ZNF569: variants seen among roughly 807,000 people sequenced by gnomAD.
ZNF569 encodes the protein DNA-binding protein.
A neutral mutation model predicts 56.3 loss-of-function variants in ZNF569; 38 were observed. That is an observed-to-expected ratio of 0.68 (90% CI 0.52 to 0.88). The LOEUF is 0.88. ZNF569 is among the 40% of genes least tolerant of loss of function. The probability of loss-of-function intolerance (pLI) is 0.00; values close to 1 mark genes in which losing one functional copy is unlikely to be tolerated. For missense variants in ZNF569, 666 were observed against 809.2 expected (o/e 0.82, Z 2.15); for synonymous variants, 241 against 262.9 (o/e 0.92, Z 0.81).
At chr19:37,424,160 C>A (rs1239160893) in intron 5 of ZNF569, among the ~76,000 whole-genome samples, 1 of 151,918 alleles carries the variant, frequency 6.6e-6, no homozygotes, top group Non-Finnish European at 1.5e-5. Flanking sequence ...GAGAGTAAAA[C>A]CTAAAAATAC....
Position 37,412,990 on chromosome 19 carries a change from A to C in ZNF569, c.1668T>G (p.Gly556=). The change falls in exon 6 of 6, where the codon GGT becomes GGG. Residue 556 remains glycine, a synonymous_variant. Coordinates refer to ENST00000316950, the MANE Select transcript of ZNF569 (RefSeq NM_152484.3). ...GCAGTGAGCACTGAGAGAAGGCTTTACCACATTTATCACATTCATAAGGCT... is the reference window on the plus strand; with the variant it reads ...GCAGTGAGCACTGAGAGAAGGCTTTCCCACATTTATCACATTCATAAGGCT... The part of the protein sequence containing the change: ...GEKPYECDKC[G]KAFSQCSLLN... 3 of 1,613,494 alleles carry C rather than the reference A, an allele frequency of 1.9e-6. No homozygotes were observed. The highest frequency in any genetic ancestry group is 2.5e-6 in the Non-Finnish European group (3 of 1,179,802).
At chr19:37,426,159 A>G (rs995049584) in intron 4 of ZNF569, 93 bp downstream of exon 4, 1 of 1,450,240 alleles carries the variant, frequency 6.9e-7, no homozygotes, top group Admixed American at 2.2e-5. Context: ...GCTCACTCTA[A>G]TATTTAAAAG....
At position 37,426,373 on chromosome 19, in the gene ZNF569, T is replaced by C. The variant is rs1355125139; in HGVS notation, c.21A>G (p.Thr7=). 5.0e-6 allele frequency: 8 copies of C among 1,605,094 alleles called. No individual in the cohort carries two copies. The highest frequency in any genetic ancestry group is 6.8e-6 in the Non-Finnish European group (8 of 1,176,874). ...CGATAGCCACATCTTTGAATGTTAC[T>C]GTTCCCTGTAACAACACACTCCCAC... The part of the protein sequence containing the change: MTESQG[T]VTFKDVAIDF... Residue 7 remains threonine (T), a synonymous_variant, in exon 4 of 6, where the codon ACA becomes ACG. Transcript: ENST00000316950.
intron 3 of ZNF569, among the ~76,000 whole-genome samples, chr19:37,443,823 A>G (rs1162106907): frequency 6.6e-6 from 1 of 151,266 alleles, no homozygotes; most frequent in Non-Finnish European, 1.5e-5. Context: ...CCTGGCCAAC[A>G]TGGTGAAATC....
At chr19:37,457,259 C>A (rs925326327) in intron 2 of ZNF569, among the ~76,000 whole-genome samples, 1 of 152,110 alleles carries the variant, frequency 6.6e-6, no homozygotes, top group African/African-American at 2.4e-5. Context: ...GTTGTCGCAA[C>A]AATATCCTTT....
chr19:37,468,904 T>G (rs1600370599), upstream of ZNF569: 3 of 245,196 alleles, frequency 1.2e-5, no homozygotes, highest in Non-Finnish European at 1.9e-5. Flanking sequence ...TTTTTTCGGG[T>G]ATCCAGCACA....
intron 2 of ZNF569, among the ~76,000 whole-genome samples, chr19:37,451,081 T>C (rs1223197351): frequency 6.6e-6 from 1 of 152,204 alleles, no homozygotes; most frequent in Non-Finnish European, 1.5e-5. Flanking sequence ...GAGAAGAATA[T>C]GTATTCTACA....
In ZNF569 at chr19:37,413,507, C is replaced by T; in HGVS notation, c.1151G>A (p.Cys384Tyr). ...AGAGAAGGCTTTTCCACACTCATTA[C>T]ATTCATAGGGTTTTTCACCTGTATG... ...RIHTGEKPYE[C>Y]NECGKAFSQS... is the part of the protein sequence containing the mutation. Residue 384 changes from cysteine to tyrosine, a missense_variant, in exon 6 of 6, where the codon TGT (cysteine) becomes TAT (tyrosine). Cys to Tyr is a radical substitution (Grantham distance 194). Coordinates refer to ENST00000316950, the MANE Select transcript of ZNF569 (RefSeq NM_152484.3). The T allele has an allele frequency of 6.2e-7, 1 of 1,613,414 alleles. No individual in the cohort carries two copies. Among genetic ancestry groups the T allele is most frequent in the Non-Finnish European group, 8.5e-7 (1 of 1,179,754 alleles).
Position 37,413,127 on chromosome 19 carries a change from T to C in ZNF569, c.1531A>G (p.Thr511Ala). 3 of 1,610,542 alleles carry C rather than the reference T, an allele frequency of 1.9e-6. No individual in the cohort carries two copies. The highest frequency in any genetic ancestry group is 2.5e-6 in the Non-Finnish European group (3 of 1,178,786). Residue 511 changes from threonine to alanine, a missense_variant, in exon 6 of 6, where the codon ACA becomes GCA. Physicochemically the swap from Thr to Ala is moderately conservative, Grantham distance 58 (BLOSUM62 0). Coordinates refer to ENST00000316950, the MANE Select transcript of ZNF569 (RefSeq NM_152484.3). ...TCTCCAGTATGAACTTTTTGATGTG[T>C]AATGAAGTTTTGCTTTTGGCTGAAG... ...KAFSQKQNFI[T>A]HQKVHTGEKP... is the part of the protein sequence containing the mutation.
chr19:37,426,134 G>A, intron 4 of ZNF569, 118 bp downstream of exon 4: 1 of 1,347,592 alleles, frequency 7.4e-7, no homozygotes, highest in South Asian at 1.4e-5. Context: ...ATGAGCAAAA[G>A]CATCCCAAGG....
At chr19:37,468,181 G>A (rs2041883601), upstream of ZNF569, 2 of 541,152 alleles carry the variant, frequency 3.7e-6, no homozygotes, top group Admixed American at 3.4e-5. Context: ...CGAACTCCCG[G>A]GCTCAAGCGA....
intron 2 of ZNF569, among the ~76,000 whole-genome samples, chr19:37,448,922 G>A (rs1282642449): frequency 1.3e-5 from 2 of 151,992 alleles, no homozygotes; most frequent in African/African-American, 2.4e-5. Flanking sequence ...GTTTGTTAAG[G>A]CAGAAGTGTA....
chr19:37,426,004 G>C, intron 4 of ZNF569, 41 bp from the exon 5 acceptor site: 1 of 1,599,774 alleles, frequency 6.3e-7, no homozygotes. Context: ...ATACATACTA[G>C]GAACAAAGAA....
intron 2 of ZNF569, among the ~76,000 whole-genome samples, chr19:37,461,455 C>A (rs146336704): frequency 6.6e-6 from 1 of 151,796 alleles, no homozygotes; most frequent in African/African-American, 2.4e-5. Context: ...TACAGGTGTG[C>A]GCCATCATGC....
intron 3 of ZNF569, among the ~76,000 whole-genome samples, chr19:37,439,108 T>A (rs1391559734): frequency 6.6e-6 from 1 of 152,224 alleles, no homozygotes; most frequent in Non-Finnish European, 1.5e-5. Context: ...TTCGCTCTTG[T>A]TGCCCAGGCT....
At chr19:37,434,828 C>G (rs1174813002) in intron 3 of ZNF569, among the ~76,000 whole-genome samples, 2 of 152,182 alleles carry the variant, frequency 1.3e-5, no homozygotes, top group Non-Finnish European at 2.9e-5. Context: ...GTGAAATCCA[C>G]CCCCTGCCCG....
At chr19:37,425,646 T>C in intron 5 of ZNF569, 1 of 344,188 alleles carries the variant, frequency 2.9e-6, no homozygotes, top group Non-Finnish European at 5.4e-6. Flanking sequence ...CTTTTTTTTT[T>C]AAGAGATGAG....
intron 5 of ZNF569, among the ~76,000 whole-genome samples, chr19:37,424,900 C>A (rs1239403024): frequency 6.7e-6 from 1 of 149,714 alleles, no homozygotes. Flanking sequence ...GCAGGCAGAT[C>A]ACGAGGTCAG....
At chr19:37,415,529 T>C (rs1464100317) in intron 5 of ZNF569, among the ~76,000 whole-genome samples, 1 of 152,084 alleles carries the variant, frequency 6.6e-6, no homozygotes, top group Non-Finnish European at 1.5e-5. Flanking sequence ...TCACCACTCA[T>C]TGCAGTACTA....
Sources: allele counts gnomAD v4.1 joint callset (sites outside exome capture counted in the v4.1 genomes callset), GRCh38; gene constraint gnomAD v4.1.1; transcripts MANE v1.5; gene names NCBI Gene and HGNC (gene_info 2026-07-23, HGNC 2026-07-21).